EPS8: variants seen among roughly 807,000 people sequenced by gnomAD.
EPS8 encodes the protein epidermal growth factor receptor kinase substrate 8.
Under a neutral mutation model 103.8 loss-of-function variants are expected in EPS8, and 42 were observed. That is an observed-to-expected ratio of 0.40 (90% confidence interval 0.32 to 0.52). EPS8 has a LOEUF of 0.52. Ranked by LOEUF, EPS8 falls within the 20% of genes least tolerant of loss-of-function variation. The pLI, the probability that EPS8 is intolerant of heterozygous loss-of-function variation, is 0.40. For missense variants in EPS8, 969 were observed against 1,005.1 expected (o/e 0.96, Z 0.49); for synonymous variants, 344 against 344.6 (o/e 1.00, Z 0.02).
In EPS8 at chr12:15,767,762, C is replaced by T. The variant is rs1488577298; in HGVS notation, c.-22+21399G>A. Among the ~76,000 whole-genome samples the T allele has an allele frequency of 3.3e-5, 5 of 152,198 alleles. No homozygotes were observed. ...GGCAACAGCTCTCCTTCCAGGAATA[C>T]CTGTCAAAATACTCATTTGTCAGTT... On this transcript the variant is annotated intron_variant, in intron 1 of 20. Transcript: ENST00000281172. This position sits in a 1 kb window ranked among gnomAD's most constrained non-coding sequence, Gnocchi z 5.5.
chr12:15,648,053 G>A (rs914275323), intron 14 of EPS8, among the ~76,000 whole-genome samples: 24 of 152,188 alleles, frequency 1.6e-4, no homozygotes, highest in Admixed American at 8.5e-4. Flanking sequence ...ATCTAAAGGC[G>A]CAGCTCATCT....
At chr12:15,744,925 GAGTGC>G (rs1048494340) in intron 1 of EPS8, among the ~76,000 whole-genome samples, 1 of 152,062 alleles carries the variant, frequency 6.6e-6, no homozygotes, top group Non-Finnish European at 1.5e-5. Context: ...CACCAGGCTA[GAGTGC>G]AGTGGCGCGA....
intron 3 of EPS8, among the ~76,000 whole-genome samples, chr12:15,677,964 G>A (rs997434549): frequency 1.3e-5 from 2 of 152,050 alleles, no homozygotes; most frequent in African/African-American, 4.8e-5. Context: ...TGTGAAACTC[G>A]GGGGCTGCAT....
At position 15,785,307 on chromosome 12, in the gene EPS8, A is replaced by C. The variant is rs1037232539; in HGVS notation, c.-22+3854T>G. Among the ~76,000 whole-genome samples the C allele has an allele frequency of 1.3e-5, 2 of 152,086 alleles. No homozygotes were observed. The highest frequency in any genetic ancestry group is 4.8e-5 in the African/African-American group (2 of 41,442). ...AAAAGGAATAGTACATAAACACTGT[A>C]CTCTTGATGCTAAAGTTGTTTCCCA... On this transcript the variant is annotated intron_variant, in intron 1 of 20. Coordinates refer to ENST00000281172, the MANE Select transcript of EPS8 (RefSeq NM_004447.6). This position sits in a 1 kb window ranked among gnomAD's most constrained non-coding sequence, Gnocchi z 4.9.
Position 15,647,225 on chromosome 12 carries a change from G to A in EPS8, c.1470C>T (p.Gly490=), listed in dbSNP as rs551447113. 1.9e-6 allele frequency: 3 copies of A among 1,613,710 alleles called. No individual in the cohort carries two copies. Among genetic ancestry groups the A allele is most frequent in the Non-Finnish European group, 2.5e-6 (3 of 1,179,718 alleles). Residue 490 remains glycine, a synonymous_variant, in exon 15 of 21, where the codon GGC becomes GGT. Coordinates refer to ENST00000281172, the MANE Select transcript of EPS8 (RefSeq NM_004447.6). ...SSVSEYHPAD[G]YAFSSNIYTR... is the part of the protein sequence containing the mutation. ...TGTAAATGTTGCTACTGAACGCATA[G>A]CCATCGGCTGGATGATACTCTGATA...
chr12:15,732,089 A>G (rs577086718), intron 1 of EPS8, among the ~76,000 whole-genome samples: 1 of 152,338 alleles, frequency 6.6e-6, no homozygotes, highest in East Asian at 1.9e-4. Context: ...CCCTATTCCC[A>G]GTAATGCAGC....
chr12:15,625,665 T>G (rs1944932566), intron 18 of EPS8, among the ~76,000 whole-genome samples: 1 of 152,116 alleles, frequency 6.6e-6, no homozygotes, highest in Non-Finnish European at 1.5e-5. Flanking sequence ...CTTGAAACAT[T>G]TTCTCCCTGT....
rs1234845619 is a variant in EPS8, at chr12:15,690,674, G to T, written c.-21-7702C>A. Among the ~76,000 whole-genome samples, 1 of 152,102 alleles carries T rather than the reference G, an allele frequency of 6.6e-6. No homozygotes were observed. Among genetic ancestry groups the T allele is most frequent in the African/African-American group, 2.4e-5 (1 of 41,422 alleles). Reference sequence around the variant, plus strand: ...ATGTAATTGCTTTCTAACAGAATACGTTGTATACTTTTCTAGGTATCAGAC... The same window carrying T: ...ATGTAATTGCTTTCTAACAGAATACTTTGTATACTTTTCTAGGTATCAGAC... On this transcript the variant is annotated intron_variant, in intron 1 of 20. Transcript: ENST00000281172. The surrounding 1 kb of genome is among the most constrained non-coding windows in gnomAD (Gnocchi z 4.7).
chr12:15,635,410 CAG>C (rs1363848550), intron 17 of EPS8, among the ~76,000 whole-genome samples: 1 of 152,050 alleles, frequency 6.6e-6, no homozygotes, highest in Non-Finnish European at 1.5e-5. Context: ...AATTAATGAG[CAG>C]AGTCTTCTGA....
rs142607783 is a variant in EPS8, at chr12:15,713,402, A to T, written c.-21-30430T>A. 6.6e-6 allele frequency: 1 copy of T among 152,368 alleles called. No individual in the cohort carries two copies. Among genetic ancestry groups the T allele is most frequent in the East Asian group, 1.9e-4 (1 of 5,192 alleles). The allele number at this position is 152,368 out of a possible 1,614,324, so 9.4% of individuals were successfully genotyped here. On this transcript the variant is annotated intron_variant, in intron 1 of 20. Transcript: ENST00000281172. This position sits in a 1 kb window ranked among gnomAD's most constrained non-coding sequence, Gnocchi z 4.8. ...GCAATAAAGATAATTCCCTGATGCT[A>T]AACCAAAGCCAGAACTGATGGCCAA...
In EPS8 at chr12:15,752,565, T is replaced by G. The variant is rs1384139023; in HGVS notation, c.-22+36596A>C. On this transcript the variant is annotated intron_variant, in intron 1 of 20. Transcript: ENST00000281172. The surrounding 1 kb of genome is among the most constrained non-coding windows in gnomAD (Gnocchi z 4.4). ...TTCCCAGCAATGGAATTAAAAGAAATTCAGGGGCCCAGAGTCAGAAACATT... is the reference window on the plus strand; with the variant it reads ...TTCCCAGCAATGGAATTAAAAGAAAGTCAGGGGCCCAGAGTCAGAAACATT... Among the ~76,000 whole-genome samples, 1 of 152,006 alleles carries G rather than the reference T, an allele frequency of 6.6e-6. No homozygotes were observed. Among genetic ancestry groups the G allele is most frequent in the East Asian group, 1.9e-4 (1 of 5,198 alleles).
chr12:15,724,176 T>C (rs1334034070), intron 1 of EPS8, among the ~76,000 whole-genome samples: 3 of 152,170 alleles, frequency 2.0e-5, no homozygotes, highest in Non-Finnish European at 4.4e-5. Context: ...GTGTACTTTA[T>C]GTATAAGGTA....
chr12:15,638,481 C>T (rs1485428867), intron 17 of EPS8, among the ~76,000 whole-genome samples: 1 of 152,144 alleles, frequency 6.6e-6, no homozygotes, highest in Non-Finnish European at 1.5e-5. Flanking sequence ...GTAGGGCCCT[C>T]AACCTGAACA....
Position 15,735,744 on chromosome 12 carries a change from C to A in EPS8, c.-21-52772G>T, listed in dbSNP as rs1163796700. On this transcript the variant is annotated intron_variant, in intron 1 of 20. Transcript: ENST00000281172. This position sits in a 1 kb window ranked among gnomAD's most constrained non-coding sequence, Gnocchi z 4.4. ...TAAAAGTGCATGTTATTAAATGTAA[C>A]CTATATCTGTGTAACTTACTGTTGT... Among the ~76,000 whole-genome samples, 1 of 151,972 alleles carries A rather than the reference C, an allele frequency of 6.6e-6. No homozygotes were observed. Among genetic ancestry groups the A allele is most frequent in the Non-Finnish European group, 1.5e-5 (1 of 68,002 alleles).
chr12:15,729,247 C>T (rs934850347), intron 1 of EPS8, among the ~76,000 whole-genome samples: 2 of 152,118 alleles, frequency 1.3e-5, no homozygotes, highest in Non-Finnish European at 1.5e-5. Flanking sequence ...TTGTCCTGAG[C>T]TTGGCGTCTC....
In EPS8 at chr12:15,771,534, A is replaced by C. The variant is rs1947154248; in HGVS notation, c.-22+17627T>G. ...TCATATAGCCTTGAAACAGTGAAAA[A>C]CTGAACAGAAGGGGCAAAGGCGAGG... On this transcript the variant is annotated intron_variant, in intron 1 of 20. Coordinates refer to ENST00000281172, the MANE Select transcript of EPS8 (RefSeq NM_004447.6). This position sits in a 1 kb window ranked among gnomAD's most constrained non-coding sequence, Gnocchi z 4.6. Among the ~76,000 whole-genome samples the C allele has an allele frequency of 6.6e-6, 1 of 152,134 alleles. No individual in the cohort carries two copies. The highest frequency in any genetic ancestry group is 2.1e-4 in the South Asian group (1 of 4,826).
At chr12:15,629,778 AATTTTTAGAATTGTTAAATAGT>A (rs529743438) in intron 18 of EPS8, among the ~76,000 whole-genome samples, 3 of 152,340 alleles carry the variant, frequency 2.0e-5, no homozygotes, top group South Asian at 4.1e-4. Flanking sequence ...ATTTAACCAG[AATTTTTAGAATTGTTAAATAGT>A]AATAGTTTTA....
intron 12 of EPS8, among the ~76,000 whole-genome samples, chr12:15,655,799 T>A (rs1591824773): frequency 6.6e-6 from 1 of 152,202 alleles, no homozygotes; most frequent in African/African-American, 2.4e-5. Flanking sequence ...CGTGTGTACA[T>A]GTCCATGCTG....
At position 15,771,147 on chromosome 12, in the gene EPS8, C is replaced by A. The variant is rs1004845571; in HGVS notation, c.-22+18014G>T. ...ATTCTACAATGGCAGATAAAGTAGA[C>A]CTTAACTGATGGATTCGATTTGTAT... On this transcript the variant is annotated intron_variant, in intron 1 of 20. Transcript: ENST00000281172. The surrounding 1 kb of genome is among the most constrained non-coding windows in gnomAD (Gnocchi z 4.6). 1.3e-5 allele frequency among the ~76,000 whole-genome samples: 2 copies of A among 152,046 alleles called. No homozygotes were observed. Among genetic ancestry groups the A allele is most frequent in the South Asian group, 2.1e-4 (1 of 4,818 alleles).
Sources: allele counts gnomAD v4.1 joint callset (sites outside exome capture counted in the v4.1 genomes callset), GRCh38; gene constraint gnomAD v4.1.1; non-coding constraint Gnocchi (gnomAD v3.1); transcripts MANE v1.5; gene names NCBI Gene and HGNC (gene_info 2026-07-23, HGNC 2026-07-21).